The following DACT3 variants were observed in gnomAD, a reference collection of about 807,000 sequenced individuals.
DACT3 encodes dishevelled binding antagonist of beta catenin 3, also known as dapper homolog 3.
In DACT3, 5 loss-of-function variants were observed where a neutral mutation model predicts 19.6. That is an observed-to-expected ratio of 0.26 (90% CI 0.13 to 0.54). The LOEUF is 0.54. DACT3 is among the 20% of genes least tolerant of loss of function. The pLI is 0.95. For synonymous variants in DACT3, 454 were observed against 428.1 expected (o/e 1.06, Z -0.75); for missense variants, 908 against 927.4 (o/e 0.98, Z 0.27).
At chr19:46,658,479 T>C (rs1235143556) in intron 1 of DACT3, among the ~76,000 whole-genome samples, 1 of 152,238 alleles carries the variant, frequency 6.6e-6, no homozygotes, top group Non-Finnish European at 1.5e-5. Flanking sequence ...CTAATTCCGG[T>C]TCTTCCATTA....
At position 46,659,919 on chromosome 19, in the gene DACT3, CAG is replaced by C. The variant is rs1196991311; in HGVS notation, c.249+895_249+896del. Among the ~76,000 whole-genome samples, 5 of 152,076 alleles carry C rather than the reference CAG, an allele frequency of 3.3e-5. No homozygotes were observed. In the South Asian group the frequency reaches 8.3e-4, roughly 25 times the overall value. On this transcript the variant is annotated intron_variant, in intron 1 of 3. Coordinates refer to ENST00000391916, the MANE Select transcript of DACT3 (RefSeq NM_145056.3). ...CAGATGCAGAGGGACACAGAGATCACAGAGACAGAGAGACAGGATGAAGAAAG... is the reference window on the plus strand; with the variant it reads ...CAGATGCAGAGGGACACAGAGATCACAGACAGAGAGACAGGATGAAGAAAG...
At position 46,649,567 on chromosome 19, in the gene DACT3, G is replaced by T. The variant is rs2052959476; in HGVS notation, c.805C>A (p.Arg269=). Residue 269 remains arginine, a synonymous_variant, in exon 4 of 4, where the codon CGG becomes AGG. Transcript: ENST00000391916. ...RRRRRGAGQP[R]TSPGGADGGP... Reference sequence around the variant, plus strand: ...CCGTCCGCGCCCCCGGGACTGGTCCGGGGCTGGCCCGCCCCCCGGCGGCGG... The same window carrying T: ...CCGTCCGCGCCCCCGGGACTGGTCCTGGGCTGGCCCGCCCCCCGGCGGCGG... 2 of 1,074,494 alleles carry T rather than the reference G, an allele frequency of 1.9e-6. No homozygotes were observed. The highest frequency in any genetic ancestry group is 3.1e-5 in the South Asian group (1 of 31,946). The allele number at this position is 1,074,494 out of a possible 1,614,324, so 66.6% of individuals were successfully genotyped here. A position where few individuals can be genotyped will look rare whatever the true frequency, so the allele number is the denominator to read the frequency against.
At position 46,652,981 on chromosome 19, in the gene DACT3, G is replaced by C; in HGVS notation, c.344C>G (p.Ser115Trp). The change falls in exon 2 of 4, where the codon TCG becomes TGG. Residue 115 changes from serine to tryptophan, a missense_variant and splice_region_variant. Around this residue, in one of 2 missense-constraint regions of DACT3, gnomAD observed 252 missense variants for 325.6 expected, o/e 0.77. Coordinates refer to ENST00000391916, the MANE Select transcript of DACT3 (RefSeq NM_145056.3). ...GGLEQESGRS[S>W]GFYEDPSSTG... ...CCTACCCCTCCATCCATGCTCACCCGAGCTACGCCCGCTCTCCTGTTCCAG... is the reference window on the plus strand; with the variant it reads ...CCTACCCCTCCATCCATGCTCACCCCAGCTACGCCCGCTCTCCTGTTCCAG... The C allele has an allele frequency of 6.4e-7, 1 of 1,550,992 alleles. No individual in the cohort carries two copies. The highest frequency in any genetic ancestry group is 8.7e-7 in the Non-Finnish European group (1 of 1,147,002).
rs1224091917 is a variant in DACT3, at chr19:46,647,640, G to A, written c.*842C>T. ...GTTACACTGTGCATTTATTTACAAA[G>A]AGGTTAGAGAAACACACAGAATCTG... On this transcript the variant is annotated 3_prime_UTR_variant, in exon 4 of 4. Coordinates refer to ENST00000391916, the MANE Select transcript of DACT3 (RefSeq NM_145056.3). 1.3e-5 allele frequency: 2 copies of A among 152,564 alleles called. No individual in the cohort carries two copies. Among genetic ancestry groups the A allele is most frequent in the East Asian group, 3.8e-4 (2 of 5,204 alleles). The allele number at this position is 152,564 out of a possible 1,614,324, so 9.5% of individuals were successfully genotyped here.
intron 1 of DACT3, chr19:46,659,059 G>A (rs1277707375): frequency 2.0e-6 from 2 of 983,038 alleles, no homozygotes; most frequent in African/African-American, 3.5e-5. Context: ...CTGGGGGTGG[G>A]GGGATAAGTC....
Position 46,648,859 on chromosome 19 carries a change from A to G in DACT3, c.1513T>C (p.Ser505Pro). ...PAARVPGPGP[S>P]PSAPQRRLLY... ...AGACGACGCTGGGGAGCTGACGGGG[A>G]CGGGCCGGGGCCGGGAACACGCGCC... Residue 505 changes from serine to proline, a missense_variant, in exon 4 of 4, where the codon TCC becomes CCC. Transcript: ENST00000391916. The surrounding 1 kb of genome is among the most constrained non-coding windows in gnomAD (Gnocchi z 5.1). 6.9e-7 allele frequency: 1 copy of G among 1,451,076 alleles called. No homozygotes were observed. The highest frequency in any genetic ancestry group is 2.7e-5 in the Admixed American group (1 of 36,498). 89.9% of individuals were successfully genotyped at this position (1,451,076 alleles called of 1,614,324 possible). A position where few individuals can be genotyped will look rare whatever the true frequency, so the allele number is the denominator to read the frequency against.
chr19:46,648,422 G>A lies in DACT3; in HGVS notation c.*60C>T. On this transcript the variant is annotated 3_prime_UTR_variant, in exon 4 of 4. Coordinates refer to ENST00000391916, the MANE Select transcript of DACT3 (RefSeq NM_145056.3). This position sits in a 1 kb window ranked among gnomAD's most constrained non-coding sequence, Gnocchi z 5.1. ...TTGGAAGGTAGATGTGGAAGGGTCA[G>A]TGGTTGGGAGTGTGGAGGTGCAGAG... The A allele has an allele frequency of 6.2e-7, 1 of 1,610,846 alleles. No individual in the cohort carries two copies. The highest frequency in any genetic ancestry group is 8.5e-7 in the Non-Finnish European group (1 of 1,178,046).
intron 1 of DACT3, chr19:46,659,040 T>TG: frequency 1.0e-6 from 1 of 968,156 alleles, no homozygotes; most frequent in South Asian, 4.8e-5. Flanking sequence ...AGTGTATTCC[T>TG]GGCAGGGGCT....
intron 1 of DACT3, among the ~76,000 whole-genome samples, chr19:46,655,925 C>CTCTCTCTCTCTCTCTATATATA (rs980735397): frequency 2.9e-5 from 4 of 137,898 alleles, no homozygotes; most frequent in African/African-American, 1.1e-4. Flanking sequence ...CTCTCTCTCT[C>CTCTCTCTCTCTCTCTATATATA]TATATATATA....
rs1434764288 is a variant in DACT3, at chr19:46,652,976, C to T, written c.346+3G>A. The T allele has an allele frequency of 2.6e-6, 4 of 1,550,910 alleles. No homozygotes were observed. The South Asian group carries it at 3.6e-5, about 14-fold the overall frequency. On this transcript the variant is annotated splice_donor_region_variant and intron_variant, in intron 2 of 3. Transcript: ENST00000391916. ...CAAACCCTACCCCTCCATCCATGCT[C>T]ACCCGAGCTACGCCCGCTCTCCTGT...
At chr19:46,658,605 T>G (rs548567977) in intron 1 of DACT3, among the ~76,000 whole-genome samples, 2 of 152,242 alleles carry the variant, frequency 1.3e-5, no homozygotes, top group South Asian at 4.2e-4. Flanking sequence ...TCTGGCCTCA[T>G]TCCTTCCAGT....
chr19:46,657,788 C>T (rs1482280749), intron 1 of DACT3, among the ~76,000 whole-genome samples: 2 of 151,994 alleles, frequency 1.3e-5, no homozygotes, highest in Admixed American at 6.5e-5. Flanking sequence ...CAGTGGCTCA[C>T]GCCTGTAATC....
rs562940626 is a variant in DACT3 at position 46,648,197 on chromosome 19, C to T, written c.*285G>A. The T allele has an allele frequency of 8.2e-5, 37 of 449,112 alleles. No individual in the cohort carries two copies. Among genetic ancestry groups the T allele is most frequent in the South Asian group, 2.1e-4 (7 of 33,024 alleles). The allele number at this position is 449,112 out of a possible 1,614,324, so 27.8% of individuals were successfully genotyped here. On this transcript the variant is annotated 3_prime_UTR_variant, in exon 4 of 4. Coordinates refer to ENST00000391916, the MANE Select transcript of DACT3 (RefSeq NM_145056.3). This position sits in a 1 kb window ranked among gnomAD's most constrained non-coding sequence, Gnocchi z 5.1. ...GAATTACCCCTTTTGCATACATGGA[C>T]ACTTACTGTACAGATGAGGAAAGTG...
In DACT3 at chr19:46,649,077, C is replaced by T. The variant is rs1304931847; in HGVS notation, c.1295G>A (p.Gly432Asp). Residue 432 changes from glycine to aspartate, a missense_variant, in exon 4 of 4, where the codon GGC becomes GAC. Physicochemically the swap from Gly to Asp is moderately conservative, Grantham distance 94 (BLOSUM62 -1). Coordinates refer to ENST00000391916, the MANE Select transcript of DACT3 (RefSeq NM_145056.3). ...SRSQSETSLLGRASAVPSGPP... is the reference protein window; with the variant it reads ...SRSQSETSLLDRASAVPSGPP... ...CCCCGAAGGGACCGCGGAGGCGCGG[C>T]CCAGCAGGCTGGTCTCAGACTGGGA... 2 of 1,293,662 alleles carry T rather than the reference C, an allele frequency of 1.5e-6. No homozygotes were observed. Among genetic ancestry groups the T allele is most frequent in the Non-Finnish European group, 2.0e-6 (2 of 1,023,312 alleles). 80.1% of individuals were successfully genotyped at this position (1,293,662 alleles called of 1,614,324 possible).
rs1228870214 is a variant in DACT3 at position 46,648,820 on chromosome 19, C to T, written c.1552G>A (p.Ala518Thr). The T allele has an allele frequency of 2.0e-6, 3 of 1,522,472 alleles. No homozygotes were observed. The highest frequency in any genetic ancestry group is 2.1e-5 in the Admixed American group (1 of 48,024). The allele number at this position is 1,522,472 out of a possible 1,614,324, so 94.3% of individuals were successfully genotyped here. Residue 518 changes from alanine to threonine, a missense_variant, in exon 4 of 4, where the codon GCG (alanine) becomes ACG (threonine). Transcript: ENST00000391916. This position sits in a 1 kb window ranked among gnomAD's most constrained non-coding sequence, Gnocchi z 5.1. ...GCCGAGCACTCGGAGTCGCTGCCCG[C>T]GCAGCCGTAAAGCAGACGACGCTGG... Reference protein sequence around the residue: ...APQRRLLYGCAGSDSECSAGR... With the variant: ...APQRRLLYGCTGSDSECSAGR...
chr19:46,649,436 G>GC lies in DACT3; in HGVS notation c.935dup (p.His313ProfsTer39). On this transcript the variant is annotated frameshift_variant, in exon 4 of 4. Coordinates refer to ENST00000391916, the MANE Select transcript of DACT3 (RefSeq NM_145056.3). LOFTEE classifies it low-confidence loss of function (END_TRUNC). ...TCAAGGCGGCAGGGCTGGTGGGGTG[G>GC]CCCCCGACGCGCTCCAACGAGGGCT... is the stretch of plus-strand genomic sequence containing the variant. The GC allele has an allele frequency of 8.1e-7, 1 of 1,239,606 alleles. No homozygotes were observed. 76.8% of individuals were successfully genotyped at this position (1,239,606 alleles called of 1,614,324 possible).
chr19:46,654,986 G>A (rs945698850), intron 1 of DACT3: 5 of 985,236 alleles, frequency 5.1e-6, no homozygotes, highest in Non-Finnish European at 4.8e-6. Context: ...ATCTTTGAGC[G>A]GAACTCAAAA....
At chr19:46,652,858 G>C (rs2052999378) in intron 2 of DACT3, 46 bp from the exon 3 acceptor site, 1 of 1,541,388 alleles carries the variant, frequency 6.5e-7, no homozygotes, top group Non-Finnish European at 8.8e-7. Context: ...GTTTGGGTGG[G>C]AAAACCAGAG....
At chr19:46,653,592 C>T (rs762913582) in intron 1 of DACT3, among the ~76,000 whole-genome samples, 8 of 122,982 alleles carry the variant, frequency 6.5e-5, no homozygotes, top group African/African-American at 1.2e-4. Context: ...CTCACTCTGT[C>T]GCCTAGGCTG....
Sources: allele counts gnomAD v4.1 joint callset (sites outside exome capture counted in the v4.1 genomes callset), GRCh38; gene constraint gnomAD v4.1.1; regional missense constraint gnomAD v4.1.1; non-coding constraint Gnocchi (gnomAD v3.1); transcripts MANE v1.5; gene names NCBI Gene and HGNC (gene_info 2026-07-23, HGNC 2026-07-21).